The following ZNF678 variants were observed in gnomAD, a reference collection of about 807,000 sequenced individuals.
ZNF678 encodes zinc finger protein 678, also known as hypothetical protein MGC42493.
ZNF678 carries 5 observed loss-of-function variants against 3.0 expected under a neutral mutation model. That is an observed-to-expected ratio of 1.69 (90% CI 0.88 to 3.56). ZNF678 has a LOEUF of 3.56. Ranked by LOEUF, ZNF678 falls within the 30% of genes most tolerant of loss-of-function variation. ZNF678 has a pLI of 0.00. For synonymous variants in ZNF678, 218 were observed against 199.6 expected, an observed-to-expected ratio of 1.09 and a Z score of -0.78; for missense variants, 593 against 605.0, an observed-to-expected ratio of 0.98 and a Z score of 0.21.
intron 1 of ZNF678, 136 bp downstream of exon 1, chr1:227,563,860 G>A (rs1656598206): frequency 1.3e-6 from 1 of 786,058 alleles, no homozygotes; most frequent in Non-Finnish European, 1.9e-6. Context: ...AGGCCGCCGC[G>A]GGATTCTCCT....
At chr1:227,579,161 A>G (rs1657058640) in intron 1 of ZNF678, among the ~76,000 whole-genome samples, 1 of 151,992 alleles carries the variant, frequency 6.6e-6, no homozygotes, top group Non-Finnish European at 1.5e-5. Flanking sequence ...GCAGAGTGCT[A>G]GTGGGTGCTG....
rs1659394735 is a variant in ZNF678, at chr1:227,661,220, A to G, written c.*5392A>G. 1 of 152,176 alleles carries G rather than the reference A, an allele frequency of 6.6e-6. No individual in the cohort carries two copies. The allele number at this position is 152,176 out of a possible 1,614,324, so 9.4% of individuals were successfully genotyped here. On this transcript the variant is annotated 3_prime_UTR_variant, in exon 4 of 4. Coordinates refer to ENST00000343776, the MANE Select transcript of ZNF678 (RefSeq NM_001367909.1). ...TTAATGTGTGTGTGTTGACTAAATAAATCTCAACCAGAACCTTCTCAGATA... is the reference window on the plus strand; with the variant it reads ...TTAATGTGTGTGTGTTGACTAAATAGATCTCAACCAGAACCTTCTCAGATA...
At chr1:227,588,037 G>A (rs1657307892) in intron 1 of ZNF678, among the ~76,000 whole-genome samples, 2 of 151,806 alleles carry the variant, frequency 1.3e-5, no homozygotes, top group South Asian at 2.1e-4. Flanking sequence ...ACATGTTCAT[G>A]TTTTCTCATC....
intron 1 of ZNF678, among the ~76,000 whole-genome samples, chr1:227,571,768 C>T (rs1656848920): frequency 6.6e-6 from 1 of 152,062 alleles, no homozygotes; most frequent in Admixed American, 6.6e-5. Context: ...AAAAGCCGGG[C>T]GCGGTGGCTC....
At chr1:227,619,719 G>A (rs6669277) in intron 1 of ZNF678, among the ~76,000 whole-genome samples, 32,072 of 151,674 alleles carry the variant, frequency 0.21, 3,917 homozygotes, top group African/African-American at 0.33. Context: ...CACCGTGTTA[G>A]CCAGGATGGT....
At chr1:227,597,163 G>A (rs961107744) in intron 1 of ZNF678, among the ~76,000 whole-genome samples, 2 of 152,164 alleles carry the variant, frequency 1.3e-5, no homozygotes, top group Non-Finnish European at 2.9e-5. Flanking sequence ...TTCCTTATTG[G>A]AAACAAAGGG....
chr1:227,600,213 A>G (rs1657700944), intron 1 of ZNF678, among the ~76,000 whole-genome samples: 1 of 152,074 alleles, frequency 6.6e-6, no homozygotes, highest in Admixed American at 6.5e-5. Flanking sequence ...TCTACCATTT[A>G]TGGGCATTTA....
intron 1 of ZNF678, among the ~76,000 whole-genome samples, chr1:227,597,528 T>G (rs1657625344): frequency 6.6e-6 from 1 of 152,226 alleles, no homozygotes; most frequent in Non-Finnish European, 1.5e-5. Context: ...TTTAAAATAA[T>G]TCCTCTCCCA....
chr1:227,666,456 G>A (rs1423299133), downstream of ZNF678, among the ~76,000 whole-genome samples: 1 of 152,172 alleles, frequency 6.6e-6, no homozygotes, highest in Non-Finnish European at 1.5e-5. Context: ...GTTCACTAAT[G>A]AGTCCTCTGG....
At chr1:227,678,857 T>C (rs1659723915), downstream of ZNF678, among the ~76,000 whole-genome samples, 1 of 152,152 alleles carries the variant, frequency 6.6e-6, no homozygotes, top group Non-Finnish European at 1.5e-5. Context: ...GGTCAACTAT[T>C]AATAAGAATG....
chr1:227,615,471 C>G (rs1658120497), intron 1 of ZNF678, among the ~76,000 whole-genome samples: 1 of 152,212 alleles, frequency 6.6e-6, no homozygotes, highest in Non-Finnish European at 1.5e-5. Flanking sequence ...GATATCACCT[C>G]CAGCACACAC....
At position 227,615,935 on chromosome 1, in the gene ZNF678, T is replaced by C. The variant is rs201958070; in HGVS notation, c.-163-30609T>C. ...CCCTCGGTCTTGTGATCTCCCCTAA[T>C]TTTTCAGGCAACACGGGACCTATAA... On this transcript the variant is annotated intron_variant, in intron 1 of 3. Transcript: ENST00000343776. 5.3e-5 allele frequency among the ~76,000 whole-genome samples: 8 copies of C among 152,320 alleles called. No homozygotes were observed. The East Asian group carries it at 1.2e-3, about 22-fold the overall frequency.
intron 1 of ZNF678, among the ~76,000 whole-genome samples, chr1:227,641,948 G>T (rs1658832744): frequency 6.6e-6 from 1 of 152,150 alleles, no homozygotes; most frequent in Non-Finnish European, 1.5e-5. Context: ...TCTGCAGAGG[G>T]CACCTGTCAC....
chr1:227,592,499 G>A (rs866912876), intron 1 of ZNF678, among the ~76,000 whole-genome samples: 1 of 152,218 alleles, frequency 6.6e-6, no homozygotes, highest in African/African-American at 2.4e-5. Flanking sequence ...CACATAGGGT[G>A]TAAAGGGATT....
downstream of ZNF678, among the ~76,000 whole-genome samples, chr1:227,665,071 T>G (rs1432235454): frequency 6.6e-6 from 1 of 152,196 alleles, no homozygotes; most frequent in Non-Finnish European, 1.5e-5. Context: ...TACCAGCATC[T>G]TCCTAGAAAA....
At chr1:227,628,872 G>A (rs1326630480) in intron 1 of ZNF678, among the ~76,000 whole-genome samples, 1 of 152,210 alleles carries the variant, frequency 6.6e-6, no homozygotes, top group African/African-American at 2.4e-5. Context: ...TGAGATATTG[G>A]GTTTGAAGGA....
intron 1 of ZNF678, among the ~76,000 whole-genome samples, chr1:227,643,733 C>G (rs1658880479): frequency 6.6e-6 from 1 of 152,006 alleles, no homozygotes; most frequent in Non-Finnish European, 1.5e-5. Context: ...AGTTGCTCTC[C>G]AAGTTATAAA....
At chr1:227,652,872 A>G (rs1458513705) in intron 3 of ZNF678, among the ~76,000 whole-genome samples, 3 of 152,078 alleles carry the variant, frequency 2.0e-5, no homozygotes, top group Non-Finnish European at 4.4e-5. Context: ...GTATTTGTAT[A>G]TAATTTTTTG....
chr1:227,596,688 C>A (rs1657597278), intron 1 of ZNF678, among the ~76,000 whole-genome samples: 1 of 149,632 alleles, frequency 6.7e-6, no homozygotes, highest in African/African-American at 2.5e-5. Flanking sequence ...CTGCTGAATT[C>A]TTTACTAGGA....
Sources: gnomAD v4.1 joint callset for allele counts (sites outside exome capture counted in the v4.1 genomes callset) on GRCh38, gnomAD v4.1.1 for gene constraint, MANE v1.5 for transcripts, NCBI Gene and HGNC (gene_info 2026-07-23, HGNC 2026-07-21) for gene names.